The following EXOC4 variants were observed in gnomAD, a reference collection of about 807,000 sequenced individuals.
EXOC4 encodes the protein SEC8-like 1.
Under a neutral mutation model 107.2 loss-of-function variants are expected in EXOC4, and 71 were observed. That is an observed-to-expected ratio of 0.66 (90% CI 0.55 to 0.81). EXOC4 has a LOEUF of 0.81. EXOC4 is among the 30% of genes least tolerant of loss of function. The pLI is 0.00. For synonymous variants in EXOC4, 456 were observed against 441.2 expected, an observed-to-expected ratio of 1.03 and a Z score of -0.42; for missense variants, 1,108 against 1,189.6, an observed-to-expected ratio of 0.93 and a Z score of 1.01.
At chr7:133,886,401 C>T (rs762292006) in intron 11 of EXOC4, among the ~76,000 whole-genome samples, 4 of 152,168 alleles carry the variant, frequency 2.6e-5, no homozygotes, top group Non-Finnish European at 4.4e-5. Flanking sequence ...CTTATTCATT[C>T]ACTGATTAAA....
At chr7:133,575,858 T>C (rs1490360660) in intron 9 of EXOC4, among the ~76,000 whole-genome samples, 3 of 152,200 alleles carry the variant, frequency 2.0e-5, no homozygotes, top group Non-Finnish European at 4.4e-5. Context: ...CAGTCTGTTT[T>C]TGCATTCCTC....
intron 9 of EXOC4, among the ~76,000 whole-genome samples, chr7:133,618,706 T>A (rs549748350): frequency 6.6e-6 from 1 of 152,200 alleles, no homozygotes. Context: ...GTAGGAGTGC[T>A]GTATGTCCTT....
intron 11 of EXOC4, among the ~76,000 whole-genome samples, chr7:133,862,179 T>C (rs940069599): frequency 2.6e-5 from 4 of 151,866 alleles, no homozygotes; most frequent in South Asian, 2.1e-4. Context: ...TTTTTAATTT[T>C]ATGTGCTTCA....
chr7:134,056,053 C>G lies in EXOC4; in HGVS notation c.2688-8238C>G, dbSNP rs1188635825. 3.3e-5 allele frequency among the ~76,000 whole-genome samples: 5 copies of G among 152,098 alleles called. No individual in the cohort carries two copies. The South Asian group carries it at 8.3e-4, about 25-fold the overall frequency. ...CTCTCAGCAGTTGTTTCCCAGATTG[C>G]TAATCTGAAAAATATAGATAATATA... is the stretch of plus-strand genomic sequence containing the variant. On this transcript the variant is annotated intron_variant, in intron 17 of 17. Coordinates refer to ENST00000253861, the MANE Select transcript of EXOC4 (RefSeq NM_021807.4).
intron 17 of EXOC4, among the ~76,000 whole-genome samples, chr7:134,041,379 G>T (rs1329091824): frequency 6.6e-6 from 1 of 152,150 alleles, no homozygotes; most frequent in Non-Finnish European, 1.5e-5. Flanking sequence ...ATGCAAATGT[G>T]TGTGGCTTAT....
At chr7:133,385,640 T>A (rs994198722) in intron 7 of EXOC4, among the ~76,000 whole-genome samples, 2 of 152,218 alleles carry the variant, frequency 1.3e-5, no homozygotes, top group African/African-American at 4.8e-5. Flanking sequence ...CCCTTTGATC[T>A]TTCTGTTGTT....
In EXOC4 at chr7:133,975,274, T is replaced by A. The variant is rs187724672; in HGVS notation, c.2207-22218T>A. 7.9e-4 allele frequency among the ~76,000 whole-genome samples: 120 copies of A among 152,218 alleles called. 1 individual carries two copies. Among genetic ancestry groups the A allele is most frequent in the Admixed American group, 7.9e-3 (120 of 15,272 alleles). On this transcript the variant is annotated intron_variant, in intron 14 of 17. Transcript: ENST00000253861. ...CTTGACATAAATGATGACACTGATA[T>A]GGGGATAGTAGGGATGGTTTCAATT...
At chr7:133,480,213 C>G in intron 9 of EXOC4, 75 bp downstream of exon 9, 1 of 1,574,746 alleles carries the variant, frequency 6.4e-7, no homozygotes, top group Non-Finnish European at 8.7e-7. Context: ...AGTTTGTGTC[C>G]TGCATTCACA....
intron 11 of EXOC4, among the ~76,000 whole-genome samples, chr7:133,882,910 A>AT (rs1400164301): frequency 6.6e-6 from 1 of 152,088 alleles, no homozygotes; most frequent in Non-Finnish European, 1.5e-5. Flanking sequence ...ATAACTTTAA[A>AT]TTTTTTTCTT....
intron 11 of EXOC4, among the ~76,000 whole-genome samples, chr7:133,828,851 ACTT>A (rs1422562010): frequency 2.0e-4 from 31 of 152,240 alleles, no homozygotes; most frequent in African/African-American, 6.8e-4. Context: ...TTAAAGCAAG[ACTT>A]CTTCTTCTCA....
intron 17 of EXOC4, among the ~76,000 whole-genome samples, chr7:134,051,189 C>T (rs1169021281): frequency 6.6e-6 from 1 of 152,154 alleles, no homozygotes; most frequent in East Asian, 1.9e-4. Context: ...TTTTGATCTA[C>T]TGAGAAACCA....
At chr7:133,997,280 ATAT>A (rs1794416546) in intron 14 of EXOC4, among the ~76,000 whole-genome samples, 1 of 152,204 alleles carries the variant, frequency 6.6e-6, no homozygotes, top group Admixed American at 6.5e-5. Flanking sequence ...ACCAACCTAA[ATAT>A]TATTATATGA....
chr7:133,312,338 T>C lies in EXOC4; in HGVS notation c.657-4946T>C, dbSNP rs1238535396. Among the ~76,000 whole-genome samples the C allele has an allele frequency of 2.0e-5, 3 of 152,296 alleles. No homozygotes were observed. The East Asian group carries it at 5.8e-4, about 29-fold the overall frequency. ...AAGATTGAAAGGATAGAAACTTAAATATGTATACTTTATATATTGGTATAA... is the reference window on the plus strand; with the variant it reads ...AAGATTGAAAGGATAGAAACTTAAACATGTATACTTTATATATTGGTATAA... On this transcript the variant is annotated intron_variant, in intron 4 of 17. Transcript: ENST00000253861.
intron 8 of EXOC4, among the ~76,000 whole-genome samples, chr7:133,476,484 C>A (rs1027688000): frequency 1.3e-5 from 2 of 152,046 alleles, no homozygotes; most frequent in South Asian, 2.1e-4. Context: ...TGAATTTATT[C>A]TTTTTCAGCA....
intron 10 of EXOC4, among the ~76,000 whole-genome samples, chr7:133,737,322 A>G (rs921499636): frequency 7.2e-5 from 11 of 151,898 alleles, no homozygotes; most frequent in Non-Finnish European, 1.5e-4. Context: ...TTTTCAATCC[A>G]TCTCCATCAC....
chr7:133,363,625 A>C (rs1418808055), intron 6 of EXOC4, among the ~76,000 whole-genome samples: 3 of 152,040 alleles, frequency 2.0e-5, no homozygotes, highest in Admixed American at 6.6e-5. Context: ...AAAAAAAAAA[A>C]AAAACCTACT....
intron 14 of EXOC4, among the ~76,000 whole-genome samples, chr7:133,991,945 G>T (rs571641348): frequency 6.6e-6 from 1 of 152,252 alleles, no homozygotes; most frequent in East Asian, 1.9e-4. Flanking sequence ...TGGGTCGTTT[G>T]TGATTCCATT....
At chr7:133,402,174 T>C (rs1381089295) in intron 7 of EXOC4, among the ~76,000 whole-genome samples, 3 of 152,204 alleles carry the variant, frequency 2.0e-5, no homozygotes, top group Non-Finnish European at 2.9e-5. Flanking sequence ...ACTGTAGTTA[T>C]ATTAGTTTGC....
intron 12 of EXOC4, among the ~76,000 whole-genome samples, chr7:133,902,617 G>A (rs1799477751): frequency 6.6e-6 from 1 of 152,102 alleles, no homozygotes; most frequent in African/African-American, 2.4e-5. Context: ...ACTTTGGGAG[G>A]CCGAGGGCAG....
Sources: gnomAD v4.1 joint callset for allele counts (sites outside exome capture counted in the v4.1 genomes callset) on GRCh38, gnomAD v4.1.1 for gene constraint, MANE v1.5 for transcripts, NCBI Gene and HGNC (gene_info 2026-07-23, HGNC 2026-07-21) for gene names.